KCNMA1: variants seen among roughly 807,000 people sequenced by gnomAD.
KCNMA1 encodes Calcium-activated potassium channel subunit alpha-1.
Under a neutral mutation model 140.0 loss-of-function variants are expected in KCNMA1, and 29 were observed. That is an observed-to-expected ratio of 0.21 (90% confidence interval 0.15 to 0.28). KCNMA1 has a LOEUF of 0.28. KCNMA1 is among the 10% of genes least tolerant of loss of function. The pLI, the probability that KCNMA1 is intolerant of heterozygous loss-of-function variation, is 1.00. For synonymous variants in KCNMA1, 612 were observed against 611.9 expected (o/e 1.00, Z 0.00); for missense variants, 880 against 1,602.2 (o/e 0.55, Z 7.70).
At chr10:77,202,750 A>T (rs1397769503) in intron 3 of KCNMA1, among the ~76,000 whole-genome samples, 3 of 152,150 alleles carry the variant, frequency 2.0e-5, no homozygotes, top group African/African-American at 7.2e-5. Flanking sequence ...CCTCAAACTC[A>T]CCCAAGGATG....
rs535199829 is a variant in KCNMA1 at position 77,339,937 on chromosome 10, C to G, written c.540+63925G>C. Among the ~76,000 whole-genome samples, 7 of 152,326 alleles carry G rather than the reference C, an allele frequency of 4.6e-5. No individual in the cohort carries two copies. In the East Asian group the frequency reaches 1.2e-3, roughly 25 times the overall value. On this transcript the variant is annotated intron_variant, in intron 2 of 27. Transcript: ENST00000286628. Reference sequence around the variant, plus strand: ...GCCATGAGTGAAAAGCCAAGGGAATCCTGACATCCTACAGACACTATCTTG... The same window carrying G: ...GCCATGAGTGAAAAGCCAAGGGAATGCTGACATCCTACAGACACTATCTTG...
At chr10:76,946,246 C>T (rs970126116) in intron 22 of KCNMA1, among the ~76,000 whole-genome samples, 4 of 152,132 alleles carry the variant, frequency 2.6e-5, no homozygotes, top group African/African-American at 4.8e-5. Context: ...GCCATAGCTC[C>T]CCAGTGGCCA....
At chr10:76,988,097 C>T (rs1277834662) in intron 19 of KCNMA1, among the ~76,000 whole-genome samples, 3 of 152,090 alleles carry the variant, frequency 2.0e-5, no homozygotes, top group Admixed American at 6.6e-5. Context: ...ACTTGGCCAT[C>T]GGTAGGAGGA....
At chr10:77,516,101 T>G (rs924283610) in intron 1 of KCNMA1, among the ~76,000 whole-genome samples, 14 of 152,094 alleles carry the variant, frequency 9.2e-5, no homozygotes, top group Admixed American at 5.9e-4. Context: ...TGAGATGAAT[T>G]TGACATATCC....
chr10:76,992,335 ACTATCTAG>A (rs1380378010), intron 19 of KCNMA1, among the ~76,000 whole-genome samples: 2 of 152,238 alleles, frequency 1.3e-5, no homozygotes, highest in Non-Finnish European at 2.9e-5. Context: ...CAAAGCAGGC[ACTATCTAG>A]CTATTTACAG....
intron 1 of KCNMA1, among the ~76,000 whole-genome samples, chr10:77,613,744 G>A (rs1266223961): frequency 6.6e-6 from 1 of 152,248 alleles, no homozygotes; most frequent in Non-Finnish European, 1.5e-5. Flanking sequence ...AGGGCAATGA[G>A]GAACTTGGCT....
At chr10:77,498,633 G>A (rs1411774525) in intron 1 of KCNMA1, 1 of 152,208 alleles carries the variant, frequency 6.6e-6, no homozygotes, top group Non-Finnish European at 1.5e-5. Flanking sequence ...CAGTGCTCTA[G>A]TGCAAGATCC....
intron 1 of KCNMA1, among the ~76,000 whole-genome samples, chr10:77,627,079 A>G (rs1338974151): frequency 6.6e-6 from 1 of 152,158 alleles, no homozygotes; most frequent in Non-Finnish European, 1.5e-5. Flanking sequence ...CAGCAGAGGC[A>G]TACAGGAGCC....
At chr10:77,147,015 G>A (rs527991451) in intron 5 of KCNMA1, among the ~76,000 whole-genome samples, 80 of 152,282 alleles carry the variant, frequency 5.3e-4, no homozygotes, top group Non-Finnish European at 9.6e-4. Flanking sequence ...ATGGCAGAGG[G>A]GGCCAGGCAC....
chr10:77,118,961 G>A (rs1305493970), intron 6 of KCNMA1, among the ~76,000 whole-genome samples: 2 of 152,168 alleles, frequency 1.3e-5, no homozygotes, highest in African/African-American at 4.8e-5. Context: ...GTGGCAAAAA[G>A]CACCCTCTAA....
intron 14 of KCNMA1, among the ~76,000 whole-genome samples, chr10:77,067,901 A>G (rs1023936252): frequency 3.3e-5 from 5 of 152,228 alleles, no homozygotes; most frequent in African/African-American, 1.2e-4. Flanking sequence ...ACTGTCTGGA[A>G]CATGGTAGGT....
At chr10:77,160,026 G>A (rs183153846) in intron 5 of KCNMA1, among the ~76,000 whole-genome samples, 100 of 152,292 alleles carry the variant, frequency 6.6e-4, no homozygotes, top group Admixed American at 2.4e-3. Flanking sequence ...GAAATAAGTG[G>A]ATGGAGGTGG....
chr10:77,245,455 G>C (rs1453601989), intron 3 of KCNMA1, among the ~76,000 whole-genome samples: 1 of 152,168 alleles, frequency 6.6e-6, no homozygotes, highest in Non-Finnish European at 1.5e-5. Flanking sequence ...AGAGGCAGTG[G>C]GTCTACACCT....
At chr10:77,103,016 G>A (rs1329424688) in intron 9 of KCNMA1, among the ~76,000 whole-genome samples, 3 of 152,120 alleles carry the variant, frequency 2.0e-5, no homozygotes, top group Non-Finnish European at 4.4e-5. Context: ...GTGAGTGAAT[G>A]AACCGATGGA....
In KCNMA1 at chr10:76,915,037, G is replaced by A; in HGVS notation, c.2915C>T (p.Pro972Leu). The A allele has an allele frequency of 6.2e-7, 1 of 1,612,342 alleles. No individual in the cohort carries two copies. Among genetic ancestry groups the A allele is most frequent in the Non-Finnish European group, 8.5e-7 (1 of 1,178,614 alleles). Residue 972 changes from proline to leucine, a missense_variant, in exon 24 of 28, where the codon CCA (proline) becomes CTA (leucine). Physicochemically the swap from Pro to Leu is moderately conservative, Grantham distance 98. Around this residue, in one of 13 missense-constraint regions of KCNMA1, gnomAD observed 44 missense variants for 58.2 expected, o/e 0.76. Coordinates refer to ENST00000286628, the MANE Select transcript of KCNMA1 (RefSeq NM_001161352.2). ...ATCTGGAGAGGATCTATCCATTCCT[G>A]GAGGTGTGAACCCTAGTGGGAAGGA... ...LQANSQGFTP[P>L]GMDRSSPDNS...
intron 2 of KCNMA1, among the ~76,000 whole-genome samples, chr10:77,307,755 T>C (rs909715536): frequency 2.0e-5 from 3 of 152,164 alleles, no homozygotes; most frequent in African/African-American, 7.2e-5. Flanking sequence ...TTCACCGTGT[T>C]AGCCAGGATG....
chr10:76,984,217 C>T (rs534520067), intron 19 of KCNMA1, among the ~76,000 whole-genome samples: 3 of 148,406 alleles, frequency 2.0e-5, no homozygotes, highest in Middle Eastern at 3.6e-3. Context: ...TTTTTTGAGA[C>T]GGAGTCTCGC....
intron 5 of KCNMA1, among the ~76,000 whole-genome samples, chr10:77,147,204 A>C (rs1203345478): frequency 6.6e-6 from 1 of 152,238 alleles, no homozygotes; most frequent in African/African-American, 2.4e-5. Flanking sequence ...TATAACTTGT[A>C]CTATAACTTA....
In KCNMA1 at chr10:76,977,777, T is replaced by C. The variant is rs183826757; in HGVS notation, c.2267-7710A>G. On this transcript the variant is annotated intron_variant, in intron 19 of 27. Transcript: ENST00000286628. Reference sequence around the variant, plus strand: ...CCCAACCTGCTATTAGCCCTGCTGGTCCGCTCGTGTTTGAGGTCATGAGTC... The same window carrying C: ...CCCAACCTGCTATTAGCCCTGCTGGCCCGCTCGTGTTTGAGGTCATGAGTC... 1.7e-3 allele frequency: 1,023 copies of C among 610,822 alleles called. 6 individuals carry two copies. In the African/African-American group the frequency reaches 0.017, roughly 10 times the overall value. 37.8% of individuals were successfully genotyped at this position (610,822 alleles called of 1,614,324 possible).
Sources: allele counts gnomAD v4.1 joint callset (sites outside exome capture counted in the v4.1 genomes callset), GRCh38; gene constraint gnomAD v4.1.1; regional missense constraint gnomAD v4.1.1; transcripts MANE v1.5; gene names NCBI Gene and HGNC (gene_info 2026-07-23, HGNC 2026-07-21).